SPECC1: variants seen among roughly 807,000 people sequenced by gnomAD.
SPECC1 encodes the protein cytospin-B.
In SPECC1, 62 loss-of-function variants were observed where a neutral mutation model predicts 104.1. The observed-to-expected ratio is 0.60, with a 90% confidence interval of 0.49 to 0.74. SPECC1 has a LOEUF of 0.74. SPECC1 is among the 30% of genes least tolerant of loss of function. The pLI is 0.00. For missense variants in SPECC1, 1,306 were observed against 1,310.5 expected, an observed-to-expected ratio of 1.00 and a Z score of 0.05; for synonymous variants, 513 against 501.6, an observed-to-expected ratio of 1.02 and a Z score of -0.30.
rs2044981506 is a variant in SPECC1, at chr17:20,034,607, T to G, written c.-22+25183T>G. On this transcript the variant is annotated intron_variant, in intron 1 of 14. Transcript: ENST00000395527. Reference sequence around the variant, plus strand: ...ATCCCAAAGATTTTCTATTTTTCCTTTTTTTTTTTTTTTTTGAGTTGGAGT... The same window carrying G: ...ATCCCAAAGATTTTCTATTTTTCCTGTTTTTTTTTTTTTTTGAGTTGGAGT... Among the ~76,000 whole-genome samples the G allele has an allele frequency of 8.3e-5, 3 of 36,132 alleles. No individual in the cohort carries two copies. In the Admixed American group the frequency reaches 8.7e-4, roughly 10 times the overall value. The allele number at this position is 36,132 out of a possible 152,430, so 23.7% of individuals were successfully genotyped here.
intron 13 of SPECC1, among the ~76,000 whole-genome samples, chr17:20,297,418 G>A (rs2142035962): frequency 6.6e-6 from 1 of 152,334 alleles, no homozygotes; most frequent in African/African-American, 2.4e-5. Flanking sequence ...AGAGCATGGT[G>A]CCTGTTAACA....
intron 3 of SPECC1, among the ~76,000 whole-genome samples, chr17:20,129,278 G>A (rs1454375633): frequency 6.6e-6 from 1 of 150,988 alleles, no homozygotes; most frequent in Non-Finnish European, 1.5e-5. Flanking sequence ...TCCGCCTCCC[G>A]GGTTCAAGCC....
intron 3 of SPECC1, among the ~76,000 whole-genome samples, chr17:20,162,570 A>G (rs2033266822): frequency 1.3e-5 from 2 of 152,214 alleles, no homozygotes; most frequent in Non-Finnish European, 2.9e-5. Context: ...TAAAATAGAC[A>G]CACATAGAAA....
At chr17:20,105,398 C>T (rs1054940718) in intron 2 of SPECC1, among the ~76,000 whole-genome samples, 1 of 152,198 alleles carries the variant, frequency 6.6e-6, no homozygotes, top group African/African-American at 2.4e-5. Context: ...AGCATCAGTA[C>T]CTGGGTCATA....
At chr17:20,298,288 C>T (rs1029716631) in intron 13 of SPECC1, among the ~76,000 whole-genome samples, 5 of 151,758 alleles carry the variant, frequency 3.3e-5, no homozygotes, top group Non-Finnish European at 5.9e-5. Context: ...GGAGGCAGAT[C>T]GCACCACTGC....
At chr17:20,298,948 A>AGAGAGAGGGTGTGTGTGTGTGT in intron 13 of SPECC1, among the ~76,000 whole-genome samples, 1 of 49,072 alleles carries the variant, frequency 2.0e-5, no homozygotes, top group African/African-American at 9.3e-5. Flanking sequence ...AGAGAGAGAG[A>AGAGAGAGGGTGTGTGTGTGTGT]GTGTGTGTGT....
At chr17:20,287,128 A>G (rs1181310085) in intron 12 of SPECC1, among the ~76,000 whole-genome samples, 2 of 152,150 alleles carry the variant, frequency 1.3e-5, no homozygotes, top group Admixed American at 1.3e-4. Context: ...TTTAAATGAC[A>G]TGGCTTTGGC....
chr17:20,106,075 C>T (rs1221144056), intron 2 of SPECC1, among the ~76,000 whole-genome samples: 3 of 152,208 alleles, frequency 2.0e-5, no homozygotes, highest in Non-Finnish European at 4.4e-5. Context: ...AGGGGAAAAG[C>T]AGAATCCACC....
At chr17:20,187,861 G>C (rs1001050732) in intron 3 of SPECC1, among the ~76,000 whole-genome samples, 1 of 152,192 alleles carries the variant, frequency 6.6e-6, no homozygotes, top group Admixed American at 6.5e-5. Context: ...GGAATGTTTT[G>C]AGTGAAGATT....
intron 13 of SPECC1, among the ~76,000 whole-genome samples, chr17:20,303,921 C>A (rs2041673919): frequency 6.6e-6 from 1 of 151,692 alleles, no homozygotes; most frequent in Non-Finnish European, 1.5e-5. Flanking sequence ...CCACTGCACT[C>A]CAGCCTGGGT....
chr17:20,236,943 T>G (rs909002255), intron 7 of SPECC1: 2 of 1,612,410 alleles, frequency 1.2e-6, no homozygotes, highest in Admixed American at 1.7e-5. Context: ...CGCAGCCATC[T>G]CTAGATGAAA....
Position 20,314,988 on chromosome 17 carries a change from C to T in SPECC1, c.*923C>T. On this transcript the variant is annotated 3_prime_UTR_variant, in exon 15 of 15. Coordinates refer to ENST00000395527, the MANE Select transcript of SPECC1 (RefSeq NM_001243439.2). ...GCTCCTGAGCAGCTCGCGGCTTTCA[C>T]AGTAGGGAAACCGCAGTCCTCGTCA... 4.3e-6 allele frequency: 1 copy of T among 232,908 alleles called. No individual in the cohort carries two copies. The allele number at this position is 232,908 out of a possible 1,614,324, so 14.4% of individuals were successfully genotyped here. A position where few individuals can be genotyped will look rare whatever the true frequency, so the allele number is the denominator to read the frequency against.
At chr17:20,152,925 A>G (rs899337470) in intron 3 of SPECC1, among the ~76,000 whole-genome samples, 24 of 152,176 alleles carry the variant, frequency 1.6e-4, no homozygotes, top group African/African-American at 5.8e-4. Context: ...TCAGCCTCCC[A>G]AAGTGCTGGG....
intron 1 of SPECC1, among the ~76,000 whole-genome samples, chr17:20,089,558 C>G (rs56344048): frequency 1.3e-5 from 2 of 151,848 alleles, no homozygotes; most frequent in African/African-American, 2.4e-5. Flanking sequence ...CCCAGGGGGT[C>G]GAGGCTGTAG....
In SPECC1 at chr17:20,260,200, G is replaced by A. The variant is rs748131592; in HGVS notation, c.2846G>A (p.Arg949Lys). 5 of 1,613,606 alleles carry A rather than the reference G, an allele frequency of 3.1e-6. No individual in the cohort carries two copies. In the South Asian group the frequency reaches 5.5e-5, roughly 18 times the overall value. Residue 949 changes from arginine (R) to lysine (K), a missense_variant, in exon 12 of 15, where the codon AGA becomes AAA. Transcript: ENST00000395527. ...WKPQSKLSVE[R>K]KDPLAALARE... The stretch of plus-strand genomic sequence containing the variant: ...CTCTTCTTTCTAACCAGTGTGGAAA[G>A]AAAAGACCCTCTGGCAGCCTTGGCC...
intron 14 of SPECC1, among the ~76,000 whole-genome samples, chr17:20,312,147 C>T (rs992750643): frequency 8.5e-5 from 13 of 152,210 alleles, no homozygotes; most frequent in South Asian, 4.1e-4. Flanking sequence ...GAATTATTCT[C>T]TCCTCTTCCA....
chr17:20,293,581 T>C (rs2041243006), intron 12 of SPECC1, among the ~76,000 whole-genome samples: 1 of 152,224 alleles, frequency 6.6e-6, no homozygotes, highest in African/African-American at 2.4e-5. Context: ...CCAACTTTGC[T>C]GGCTTCACAT....
At chr17:20,235,827 C>T (rs551333581) in intron 7 of SPECC1, among the ~76,000 whole-genome samples, 1 of 152,226 alleles carries the variant, frequency 6.6e-6, no homozygotes, top group South Asian at 2.1e-4. Context: ...GTCTGTGATT[C>T]GAATGTGTTT....
intron 2 of SPECC1, among the ~76,000 whole-genome samples, chr17:20,103,519 G>A (rs1487446946): frequency 6.6e-6 from 1 of 152,182 alleles, no homozygotes; most frequent in Non-Finnish European, 1.5e-5. Context: ...TTTTGGTAAA[G>A]CTTAGCTGAA....
Sources: allele counts gnomAD v4.1 joint callset (sites outside exome capture counted in the v4.1 genomes callset), GRCh38; gene constraint gnomAD v4.1.1; transcripts MANE v1.5; gene names NCBI Gene and HGNC (gene_info 2026-07-23, HGNC 2026-07-21).